The following SCN2A variants were observed in gnomAD, a reference collection of about 807,000 sequenced individuals.
SCN2A encodes the protein sodium channel protein type 2 subunit alpha.
SCN2A carries 20 observed loss-of-function variants against 188.7 expected under a neutral mutation model. That is an observed-to-expected ratio of 0.11 (90% CI 0.07 to 0.15). The LOEUF is 0.15. SCN2A is among the 10% of genes least tolerant of loss of function. The pLI, the probability that SCN2A is intolerant of heterozygous loss-of-function variation, is 1.00. For missense variants in SCN2A, 1,278 were observed against 2,445.0 expected (o/e 0.52, Z 10.07); for synonymous variants, 804 against 833.1 (o/e 0.97, Z 0.60).
rs1205959878 is a variant in SCN2A at position 165,312,041 on chromosome 2, A to C, written c.987A>C (p.Leu329Phe). The C allele has an allele frequency of 6.2e-7, 1 of 1,611,804 alleles. No individual in the cohort carries two copies. The highest frequency in any genetic ancestry group is 8.5e-7 in the Non-Finnish European group (1 of 1,178,672). Residue 329 changes from leucine (L) to phenylalanine (F), a missense_variant, in exon 8 of 27, where the codon TTA becomes TTC. Transcript: ENST00000375437. ...YIEDKSHFYFLEGQNDALLCG... is the reference protein window; with the variant it reads ...YIEDKSHFYFFEGQNDALLCG... ...TTTAAATAGGTCACTTTTATTTTTTAGAGGGGCAAAATGATGCTCTGCTTT... is the reference window on the plus strand; with the variant it reads ...TTTAAATAGGTCACTTTTATTTTTTCGAGGGGCAAAATGATGCTCTGCTTT...
intron 1 of SCN2A, among the ~76,000 whole-genome samples, chr2:165,246,655 G>T (rs558160688): frequency 6.6e-6 from 1 of 151,904 alleles, no homozygotes; most frequent in Non-Finnish European, 1.5e-5. Flanking sequence ...AAACTCCTCC[G>T]CTCAGTGTTT....
At chr2:165,257,053 T>C (rs1694359794) in intron 1 of SCN2A, among the ~76,000 whole-genome samples, 1 of 152,136 alleles carries the variant, frequency 6.6e-6, no homozygotes. Flanking sequence ...GCAGAGTTTG[T>C]GTAGGTTTGA....
In SCN2A at chr2:165,367,665, G is replaced by C. The variant is rs6738837; in HGVS notation, c.3675+294G>C. Among the ~76,000 whole-genome samples the C allele has an allele frequency of 0.14, 20,959 of 152,240 alleles. 1,505 individuals are homozygous for C. The highest frequency in any genetic ancestry group is 0.15 in the Non-Finnish European group (10,358 of 68,008). ...AGTTCTTATTAAGACTGGTTATGTA[G>C]ACATGATGTAGGATTATCAGCTAAA... On this transcript the variant is annotated intron_variant, in intron 19 of 26. Coordinates refer to ENST00000375437, the MANE Select transcript of SCN2A (RefSeq NM_001040142.2).
intron 3 of SCN2A, among the ~76,000 whole-genome samples, 178 bp downstream of exon 3, chr2:165,297,313 C>G (rs529879680): frequency 6.6e-6 from 1 of 152,130 alleles, no homozygotes; most frequent in Admixed American, 6.5e-5. Context: ...TACTTTCCCC[C>G]GTCTTCTAAG....
At chr2:165,306,906 C>A (rs1697170465) in intron 3 of SCN2A, among the ~76,000 whole-genome samples, 1 of 152,088 alleles carries the variant, frequency 6.6e-6, no homozygotes, top group Non-Finnish European at 1.5e-5. Flanking sequence ...AAGAGTGCCA[C>A]TTTACATAAT....
chr2:165,375,007 AAT>A lies in SCN2A; in HGVS notation c.4254+42_4254+43del, dbSNP rs746176864. On this transcript the variant is annotated intron_variant, in intron 22 of 26. Coordinates refer to ENST00000375437, the MANE Select transcript of SCN2A (RefSeq NM_001040142.2). ...ATTATTTTCCATGATGTGTAATTAA[AAT>A]GAGTCTAAAGTTTTTCTTCCTCATA... 37 of 1,567,404 alleles carry A rather than the reference AAT, an allele frequency of 2.4e-5. No individual in the cohort carries two copies. The East Asian group carries it at 7.7e-4, about 33-fold the overall frequency.
intron 1 of SCN2A, among the ~76,000 whole-genome samples, chr2:165,251,496 C>T (rs1309403548): frequency 6.6e-6 from 1 of 151,996 alleles, no homozygotes; most frequent in Non-Finnish European, 1.5e-5. Context: ...TCTCTTCTGG[C>T]CCAGTGACGA....
At chr2:165,335,448 C>A (rs1698936994) in intron 14 of SCN2A, among the ~76,000 whole-genome samples, 1 of 151,630 alleles carries the variant, frequency 6.6e-6, no homozygotes, top group South Asian at 2.1e-4. Flanking sequence ...AACAGTAAGT[C>A]TTCATATTTA....
In SCN2A at chr2:165,242,266, G is replaced by C. The variant is rs1248618557; in HGVS notation, c.-52+2626G>C. ...AATTAAACATTAATGGGGAACAAAAGAGAAGTGAAGATGACTGGGGGCATA... is the reference window on the plus strand; with the variant it reads ...AATTAAACATTAATGGGGAACAAAACAGAAGTGAAGATGACTGGGGGCATA... On this transcript the variant is annotated intron_variant, in intron 1 of 26. Coordinates refer to ENST00000375437, the MANE Select transcript of SCN2A (RefSeq NM_001040142.2). Among the ~76,000 whole-genome samples, 5 of 152,256 alleles carry C rather than the reference G, an allele frequency of 3.3e-5. No individual in the cohort carries two copies. In the South Asian group the frequency reaches 6.2e-4, roughly 19 times the overall value.
At chr2:165,325,178 C>G (rs1280013597) in intron 12 of SCN2A, among the ~76,000 whole-genome samples, 4 of 152,168 alleles carry the variant, frequency 2.6e-5, no homozygotes, top group Non-Finnish European at 1.5e-5. Context: ...GACTGTCAGT[C>G]TGTCAGAAAT....
intron 18 of SCN2A, among the ~76,000 whole-genome samples, chr2:165,366,289 A>G (rs1232067233): frequency 1.3e-5 from 2 of 152,218 alleles, no homozygotes; most frequent in Non-Finnish European, 2.9e-5. Context: ...ATAGTATTAC[A>G]ATTTGTTCTA....
chr2:165,293,518 A>G (rs1442892102), intron 1 of SCN2A, among the ~76,000 whole-genome samples: 2 of 152,186 alleles, frequency 1.3e-5, no homozygotes, highest in Non-Finnish European at 2.9e-5. Flanking sequence ...ATGCAATGGT[A>G]TTTGTGTATC....
intron 3 of SCN2A, among the ~76,000 whole-genome samples, chr2:165,304,159 G>A (rs1435990232): frequency 5.3e-5 from 8 of 152,086 alleles, no homozygotes; most frequent in African/African-American, 1.7e-4. Context: ...GTGCAATGGC[G>A]TGATCTTGGC....
At chr2:165,334,906 A>G (rs1698902863) in intron 14 of SCN2A, among the ~76,000 whole-genome samples, 2 of 151,540 alleles carry the variant, frequency 1.3e-5, no homozygotes, top group African/African-American at 4.8e-5. Context: ...AGAACTAATA[A>G]ATAAGATTGC....
rs1252359034 is a variant in SCN2A at position 165,291,595 on chromosome 2, CTCTCTT to C, written c.-51-4174_-51-4169del. ...TTCCTTTCTCTCTCTCTCTCTCTCT[CTCTCTT>C]TCTTTCTTTGTCTTGCTCTATCTCC... On this transcript the variant is annotated intron_variant, in intron 1 of 26. Coordinates refer to ENST00000375437, the MANE Select transcript of SCN2A (RefSeq NM_001040142.2). 1.8e-4 allele frequency among the ~76,000 whole-genome samples: 24 copies of C among 137,128 alleles called. 1 individual carries two copies. The highest frequency in any genetic ancestry group is 3.1e-4 in the Admixed American group (4 of 12,742). The allele number at this position is 137,128 out of a possible 152,430, so 90.0% of individuals were successfully genotyped here.
intron 1 of SCN2A, among the ~76,000 whole-genome samples, chr2:165,275,585 C>G (rs1695299269): frequency 6.6e-6 from 1 of 152,144 alleles, no homozygotes; most frequent in Non-Finnish European, 1.5e-5. Context: ...AAATGATTAG[C>G]TGGATTGTAA....
At chr2:165,380,939 C>T in intron 24 of SCN2A, 154 bp from the exon 25 acceptor site, 1 of 681,576 alleles carries the variant, frequency 1.5e-6, no homozygotes, top group Non-Finnish European at 2.5e-6. Flanking sequence ...ACTAATATGG[C>T]ATAATTTATA....
intron 23 of SCN2A, among the ~76,000 whole-genome samples, chr2:165,379,659 C>T (rs984004401): frequency 6.6e-6 from 1 of 151,742 alleles, no homozygotes; most frequent in East Asian, 1.9e-4. Context: ...AACTCACATA[C>T]ACAAATAAAA....
Position 165,323,196 on chromosome 2 carries a change from G to A in SCN2A, c.1712G>A (p.Arg571His), listed in dbSNP as rs138138150. 5.0e-5 allele frequency: 80 copies of A among 1,614,012 alleles called. No homozygotes were observed. Among genetic ancestry groups the A allele is most frequent in the African/African-American group, 6.7e-5 (5 of 74,888 alleles). Residue 571 changes from arginine (R) to histidine (H), a missense_variant, in exon 12 of 27, where the codon CGC (arginine) becomes CAC (histidine). Physicochemically the swap from Arg to His is conservative, Grantham distance 29 (BLOSUM62 0). Around this residue, in one of 17 missense-constraint regions of SCN2A, gnomAD observed 315 missense variants for 386.6 expected, o/e 0.81. Transcript: ENST00000375437. ...CGTGGCTCCCTTTTCTCTCCAAGAC[G>A]CAACAGTAGGGCGAGCCTTTTCAGC... ...SIRGSLFSPR[R>H]NSRASLFSFR...
Sources: gnomAD v4.1 joint callset for allele counts (sites outside exome capture counted in the v4.1 genomes callset) on GRCh38, gnomAD v4.1.1 for gene constraint, gnomAD v4.1.1 regional missense constraint, MANE v1.5 for transcripts, NCBI Gene and HGNC (gene_info 2026-07-23, HGNC 2026-07-21) for gene names.